FAAH2: variants seen among roughly 807,000 people sequenced by gnomAD.
The protein encoded by FAAH2 is fatty acid amide hydrolase 2.
Under a neutral mutation model 36.9 loss-of-function variants are expected in FAAH2, and 60 were observed. The observed-to-expected ratio is 1.63, with a 90% CI of 1.32 to 2.02. The LOEUF (loss-of-function observed/expected upper bound fraction) is 2.02, where lower values mean the gene tolerates loss of function less well. FAAH2 is among the 30% of genes most tolerant of loss of function. The pLI is 0.00. For synonymous variants in FAAH2, 214 were observed against 143.8 expected, an observed-to-expected ratio of 1.49 and a Z score of -3.49; for missense variants, 689 against 397.5, an observed-to-expected ratio of 1.73 and a Z score of -6.23.
the FAAH2 span, among the ~76,000 whole-genome samples, chrX:57,196,815 C>T: frequency 2.7e-5 from 3 of 111,210 alleles, no homozygotes; most frequent in African/African-American, 6.5e-5. Flanking sequence ...AACATTCTTT[C>T]CTTCATAGTG....
chrX:57,351,459 A>G (rs181955287), intron 5 of FAAH2, among the ~76,000 whole-genome samples: 13 of 111,281 alleles, frequency 1.2e-4, no homozygotes, highest in African/African-American at 4.2e-4. Flanking sequence ...TCAAGATTAC[A>G]TTTAGCAGAA....
chrX:57,438,640 G>A (rs2056471129), intron 8 of FAAH2, among the ~76,000 whole-genome samples: 1 of 109,202 alleles, frequency 9.2e-6, no homozygotes, highest in Non-Finnish European at 1.9e-5. Flanking sequence ...TAGGGTACAT[G>A]TGCACAATGT....
intron 7 of FAAH2, among the ~76,000 whole-genome samples, chrX:57,410,423 T>A (rs2055669613): frequency 2.7e-5 from 3 of 111,553 alleles, no homozygotes; most frequent in Non-Finnish European, 3.8e-5. Context: ...TTGTTGATAT[T>A]CTCTCCAGAT....
intron 1 of FAAH2, among the ~76,000 whole-genome samples, chrX:57,291,955 C>A (rs1333535502): frequency 9.0e-6 from 1 of 110,787 alleles, no homozygotes; most frequent in Non-Finnish European, 1.9e-5. Context: ...TCAGTATAAT[C>A]ATCCTCATGC....
chrX:57,454,775 T>C (rs5960981), intron 10 of FAAH2, among the ~76,000 whole-genome samples: 41,396 of 110,225 alleles, frequency 0.38, 6,499 homozygotes, highest in Middle Eastern at 0.64. Context: ...TTTTTGAAAA[T>C]GAAAAAATCC....
At chrX:57,455,480 A>G (rs2147200142) in intron 10 of FAAH2, among the ~76,000 whole-genome samples, 1 of 111,080 alleles carries the variant, frequency 9.0e-6, no homozygotes, top group South Asian at 3.8e-4. Flanking sequence ...GTCTAAAAGT[A>G]CCACTTAAAA....
At chrX:57,212,018 A>C in the FAAH2 span, among the ~76,000 whole-genome samples, 1 of 111,872 alleles carries the variant, frequency 8.9e-6, no homozygotes, top group Non-Finnish European at 1.9e-5. Flanking sequence ...AGATGATTGC[A>C]TGAAGCCCAG....
the FAAH2 span, among the ~76,000 whole-genome samples, chrX:57,154,754 G>T: frequency 9.1e-6 from 1 of 109,767 alleles, no homozygotes; most frequent in Non-Finnish European, 1.9e-5. Flanking sequence ...ACCTTGTTTT[G>T]TTATATTTCC....
chrX:57,305,934 C>A (rs895988747), intron 2 of FAAH2, among the ~76,000 whole-genome samples: 1 of 111,832 alleles, frequency 8.9e-6, no homozygotes, highest in Admixed American at 9.6e-5. Context: ...TCTTTCCTAA[C>A]GTTTCCTAAA....
At chrX:57,300,512 G>A (rs1478316889) in intron 2 of FAAH2, among the ~76,000 whole-genome samples, 1 of 111,796 alleles carries the variant, frequency 8.9e-6, no homozygotes, top group East Asian at 2.8e-4. Context: ...AACCCTAGAA[G>A]AAAACCTGGG....
intron 7 of FAAH2, among the ~76,000 whole-genome samples, chrX:57,428,805 C>G (rs960178624): frequency 1.4e-4 from 16 of 112,012 alleles, no homozygotes; most frequent in African/African-American, 4.8e-4. Flanking sequence ...ACAGGGAAAA[C>G]TATTCTGAAC....
upstream of FAAH2, among the ~76,000 whole-genome samples, chrX:57,284,987 C>T (rs1047292877): frequency 8.9e-6 from 1 of 112,266 alleles, no homozygotes; most frequent in Non-Finnish European, 1.9e-5. Flanking sequence ...TCATTTACAA[C>T]TTAAATAAAG....
the FAAH2 span, among the ~76,000 whole-genome samples, chrX:57,122,717 A>G: frequency 8.9e-6 from 1 of 112,217 alleles, no homozygotes; most frequent in Non-Finnish European, 1.9e-5. Context: ...GCTTAATGGT[A>G]TCTTTCTTAT....
chrX:57,143,564 C>T, the FAAH2 span, among the ~76,000 whole-genome samples: 3 of 110,454 alleles, frequency 2.7e-5, no homozygotes, highest in Admixed American at 9.7e-5. Context: ...GCAACCTCTG[C>T]CCCCCAGGCT....
At chrX:57,395,007 C>G (rs1415635655) in intron 7 of FAAH2, 18 of 563,126 alleles carry the variant, frequency 3.2e-5, no homozygotes, top group Non-Finnish European at 5.5e-5. Flanking sequence ...TTTAGGTCAC[C>G]TCTAGCAAGT....
chrX:57,306,064 T>A (rs2052513858), intron 2 of FAAH2, among the ~76,000 whole-genome samples: 1 of 112,046 alleles, frequency 8.9e-6, no homozygotes, highest in Non-Finnish European at 1.9e-5. Flanking sequence ...CTATTGGAAA[T>A]ATTGGTCTTA....
chrX:57,121,916 G>C, the FAAH2 span: 28 of 96,459 alleles, frequency 2.9e-4, no homozygotes, highest in African/African-American at 1.1e-3. Flanking sequence ...ACGTAAATAT[G>C]TCTTTCCTCT....
chrX:57,143,119 G>A, the FAAH2 span, among the ~76,000 whole-genome samples: 1 of 110,717 alleles, frequency 9.0e-6, no homozygotes. Context: ...ATATTATTAC[G>A]GATAGGTAAG....
intron 10 of FAAH2, among the ~76,000 whole-genome samples, chrX:57,478,005 G>A (rs955531761): frequency 4.5e-5 from 5 of 112,041 alleles, no homozygotes; most frequent in African/African-American, 1.6e-4. Context: ...TATATACCCA[G>A]TAATGGGATG....
Sources: gnomAD v4.1 joint callset for allele counts (sites outside exome capture counted in the v4.1 genomes callset) on GRCh38, gnomAD v4.1.1 for gene constraint, MANE v1.5 for transcripts, NCBI Gene and HGNC (gene_info 2026-07-23, HGNC 2026-07-21) for gene names.